DBX1: variants seen among roughly 807,000 people sequenced by gnomAD.
DBX1 encodes the protein homeobox protein DBX1.
A neutral mutation model predicts 20.8 loss-of-function variants in DBX1; 10 were observed. That is an observed-to-expected ratio of 0.48 (90% confidence interval 0.30 to 0.82). The LOEUF (loss-of-function observed/expected upper bound fraction) is 0.82. Ranked by LOEUF, DBX1 falls within the 40% of genes least tolerant of loss-of-function variation. The probability of loss-of-function intolerance (pLI) is 0.07; values close to 1 mark genes in which losing one functional copy is unlikely to be tolerated. For missense variants in DBX1, 505 were observed against 468.8 expected, an observed-to-expected ratio of 1.08 and a Z score of -0.71; for synonymous variants, 241 against 213.9, an observed-to-expected ratio of 1.13 and a Z score of -1.11.
rs776861724 is a variant in DBX1, at chr11:20,157,139, G to T, written c.570C>A (p.Asp190Glu). Residue 190 changes from aspartate to glutamate, a missense_variant, in exon 3 of 4, where the codon GAC (aspartate) becomes GAA (glutamate). Physicochemically the swap from Asp to Glu is conservative, Grantham distance 45. Coordinates refer to ENST00000524983, the MANE Select transcript of DBX1 (RefSeq NM_001029865.4). ...RGMLRRAVFS[D>E]VQRKALEKMF... is the part of the protein sequence containing the mutation. ...TCTTCTCCAGCGCCTTCCGCTGCAC[G>T]TCGGAGAAGACTGCTCGACGCAGCA... The T allele has an allele frequency of 6.2e-7, 1 of 1,613,144 alleles. No homozygotes were observed. The highest frequency in any genetic ancestry group is 1.7e-5 in the Admixed American group (1 of 60,006).
Position 20,157,198 on chromosome 11 carries a change from G to T in DBX1, c.511C>A (p.Pro171Thr), listed in dbSNP as rs200639137. The change falls in exon 3 of 4, where the codon CCG becomes ACG. Residue 171 changes from proline (P) to threonine (T), a missense_variant. Coordinates refer to ENST00000524983, the MANE Select transcript of DBX1 (RefSeq NM_001029865.4). ...CGAGGCTTCCCGCGCGCGGCCAGCG[G>T]CCAGGAGAAGGTCCCGGGGATGGGC... ...VVPIPGTFSWPLAARGKPRRG... is the reference protein window; with the variant it reads ...VVPIPGTFSWTLAARGKPRRG... 503 of 1,595,060 alleles carry T rather than the reference G, an allele frequency of 3.2e-4. No individual in the cohort carries two copies. Among genetic ancestry groups the T allele is most frequent in the Non-Finnish European group, 4.1e-4 (483 of 1,172,016 alleles).
At position 20,156,577 on chromosome 11, in the gene DBX1, G is replaced by C; in HGVS notation, c.673-4C>G. ...GGTTCTGGAACCAGATTTTCACCTG[G>C]AATGTCCCGGCCGGCGAGAAGAAGG... On this transcript the variant is annotated splice_polypyrimidine_tract_variant and splice_region_variant and intron_variant, in intron 3 of 3. Coordinates refer to ENST00000524983, the MANE Select transcript of DBX1 (RefSeq NM_001029865.4). The surrounding 1 kb of genome is among the most constrained non-coding windows in gnomAD (Gnocchi z 4.8). 3.1e-6 allele frequency: 5 copies of C among 1,614,002 alleles called. No homozygotes were observed. Among genetic ancestry groups the C allele is most frequent in the Non-Finnish European group, 8.5e-7 (1 of 1,180,012 alleles).
Position 20,156,404 on chromosome 11 carries a change from C to CCCT in DBX1, c.839_841dup (p.Glu280dup). 6.2e-7 allele frequency: 1 copy of CCCT among 1,602,438 alleles called. No homozygotes were observed. Among genetic ancestry groups the CCCT allele is most frequent in the Non-Finnish European group, 8.5e-7 (1 of 1,174,142 alleles). Reference sequence around the variant, plus strand: ...CAGGCGGTGGCTGGGGCTGCCCGGGCCCTCCTCCTCCTCTTCGTTCCCAGG... The same window carrying CCCT: ...CAGGCGGTGGCTGGGGCTGCCCGGGCCCTCCTCCTCCTCCTCTTCGTTCCCAGG... On this transcript the variant is annotated inframe_insertion, in exon 4 of 4. Coordinates refer to ENST00000524983, the MANE Select transcript of DBX1 (RefSeq NM_001029865.4). This position sits in a 1 kb window ranked among gnomAD's most constrained non-coding sequence, Gnocchi z 4.8.
At position 20,159,969 on chromosome 11, in the gene DBX1, C is replaced by T. The variant is rs775978418; in HGVS notation, c.356G>A (p.Gly119Glu). The T allele has an allele frequency of 1.2e-6, 2 of 1,614,008 alleles. No individual in the cohort carries two copies. The highest frequency in any genetic ancestry group is 4.5e-5 in the East Asian group (2 of 44,866). The change falls in exon 1 of 4, where the codon GGG (glycine) becomes GAG (glutamate). Residue 119 changes from glycine (G) to glutamate (E), a missense_variant. By Grantham distance (98) the Gly-to-Glu change is moderately conservative (BLOSUM62 -2). Transcript: ENST00000524983. ...CTGACCTCGCTTACCTGTTCTGGGC[C>T]CCGAGGAGAGGATGGCGTTCACTCC... The part of the protein sequence containing the change: ...KFGVNAILSS[G>E]PRTETSPALL...
Position 20,158,203 on chromosome 11 carries a change from ATGGTGGTGG to A in DBX1, c.470-973_470-965del, listed in dbSNP as rs57294934. On this transcript the variant is annotated intron_variant, in intron 2 of 3. Coordinates refer to ENST00000524983, the MANE Select transcript of DBX1 (RefSeq NM_001029865.4). ...AATTCCATTATTAGCAGCAGTGTGA[ATGGTGGTGG>A]TGGTGGTGGTGGTGGTGGTGGTGGT... Among the ~76,000 whole-genome samples, 50 of 106,716 alleles carry A rather than the reference ATGGTGGTGG, an allele frequency of 4.7e-4. 1 individual carries two copies. The highest frequency in any genetic ancestry group is 1.2e-3 in the South Asian group (3 of 2,416). 70.0% of individuals were successfully genotyped at this position (106,716 alleles called of 152,430 possible). A position where few individuals can be genotyped will look rare whatever the true frequency, so the allele number is the denominator to read the frequency against.
Position 20,160,095 on chromosome 11 carries a change from G to A in DBX1, c.230C>T (p.Thr77Met). 6.4e-7 allele frequency: 1 copy of A among 1,557,878 alleles called. No individual in the cohort carries two copies. Residue 77 changes from threonine to methionine, a missense_variant, in exon 1 of 4, where the codon ACG (threonine) becomes ATG (methionine). Transcript: ENST00000524983. ...RQGAPTALTD[T>M]GASDLGSPGP... ...CGGGGAGCCCAGGTCCGAGGCCCCC[G>A]TGTCGGTGAGGGCCGTGGGGGCCCC... is the stretch of plus-strand genomic sequence containing the variant.
chr11:20,157,268 G>C (rs1247264821), intron 2 of DBX1, 29 bp from the exon 3 acceptor site: 5 of 1,530,144 alleles, frequency 3.3e-6, no homozygotes, highest in Non-Finnish European at 3.5e-6. Context: ...TGGCGAGTGA[G>C]TGGGCGTACG....
Position 20,156,984 on chromosome 11 carries a change from G to T in DBX1, c.672+53C>A. 1 of 1,570,828 alleles carries T rather than the reference G, an allele frequency of 6.4e-7. No individual in the cohort carries two copies. Among genetic ancestry groups the T allele is most frequent in the Non-Finnish European group, 8.7e-7 (1 of 1,152,006 alleles). ...ACCCTTGCAATTGACGGGTGCGCCG[G>T]GGAGGGGTGAAGGGCGGGGGCGGGG... On this transcript the variant is annotated intron_variant, in intron 3 of 3. Coordinates refer to ENST00000524983, the MANE Select transcript of DBX1 (RefSeq NM_001029865.4). The surrounding 1 kb of genome is among the most constrained non-coding windows in gnomAD (Gnocchi z 4.8).
intron 1 of DBX1, 83 bp downstream of exon 1, chr11:20,159,875 G>T (rs879393652): frequency 2.5e-6 from 4 of 1,590,910 alleles, no homozygotes; most frequent in Non-Finnish European, 3.4e-6. Context: ...GTGGGGGCCC[G>T]CTCGCTAGAG....
At chr11:20,157,809 G>A (rs768360727) in intron 2 of DBX1, among the ~76,000 whole-genome samples, 23 of 152,032 alleles carry the variant, frequency 1.5e-4, no homozygotes, top group Non-Finnish European at 2.8e-4. Flanking sequence ...ATGAAAAGTG[G>A]CAGCTAATTA....
At position 20,156,801 on chromosome 11, in the gene DBX1, G is replaced by T; in HGVS notation, c.673-228C>A. 4.9e-6 allele frequency: 4 copies of T among 812,948 alleles called. No homozygotes were observed. The highest frequency in any genetic ancestry group is 5.9e-6 in the Non-Finnish European group (3 of 506,754). 50.4% of individuals were successfully genotyped at this position (812,948 alleles called of 1,614,324 possible). Reference sequence around the variant, plus strand: ...CGCTGCCACCCTGCCCCGAAGGGCGGGGTTGGGGGCCGGTGAGGCCGGGAG... The same window carrying T: ...CGCTGCCACCCTGCCCCGAAGGGCGTGGTTGGGGGCCGGTGAGGCCGGGAG... On this transcript the variant is annotated intron_variant, in intron 3 of 3. Coordinates refer to ENST00000524983, the MANE Select transcript of DBX1 (RefSeq NM_001029865.4). The surrounding 1 kb of genome is among the most constrained non-coding windows in gnomAD (Gnocchi z 4.8).
chr11:20,160,023 G>A lies in DBX1; in HGVS notation c.302C>T (p.Pro101Leu), dbSNP rs774002093. The A allele has an allele frequency of 6.2e-7, 1 of 1,610,102 alleles. No homozygotes were observed. The highest frequency in any genetic ancestry group is 1.1e-5 in the South Asian group (1 of 90,232). The change falls in exon 1 of 4, where the codon CCT becomes CTT. Residue 101 changes from proline (P) to leucine (L), a missense_variant. Pro to Leu is a moderately conservative substitution (Grantham distance 98, BLOSUM62 -3). Transcript: ENST00000524983. The part of the protein sequence containing the change: ...RGGSPPTAFS[P>L]ASETTFLKFG... ...CTTCAGAAACGTCGTCTCGCTGGCA[G>A]GGGAGAAGGCAGTCGGCGGAGAGCC...
chr11:20,159,259 G>T lies in DBX1; in HGVS notation c.401C>A (p.Pro134His). The T allele has an allele frequency of 6.2e-7, 1 of 1,613,814 alleles. No homozygotes were observed. ...GAAGTAGGGAAAGGCGAAGGTCTTG[G>T]GAGGGACGCTCTGGAGCAAGGCTGG... is the stretch of plus-strand genomic sequence containing the variant. ...TSPALLQSVP[P>H]KTFAFPYFEG... Residue 134 changes from proline to histidine, a missense_variant, in exon 2 of 4, where the codon CCC becomes CAC. Pro to His is a moderately conservative substitution (Grantham distance 77). Coordinates refer to ENST00000524983, the MANE Select transcript of DBX1 (RefSeq NM_001029865.4).
chr11:20,159,236 A>C lies in DBX1; in HGVS notation c.424T>G (p.Phe142Val), dbSNP rs1457659162. 9 of 1,613,906 alleles carry C rather than the reference A, an allele frequency of 5.6e-6. No homozygotes were observed. The highest frequency in any genetic ancestry group is 6.8e-6 in the Non-Finnish European group (8 of 1,179,918). ...VPPKTFAFPY[F>V]EGSFQPFIRS... ...ATGAAAGGCTGAAAAGACCCTTCGA[A>C]GTAGGGAAAGGCGAAGGTCTTGGGA... The change falls in exon 2 of 4, where the codon TTC (phenylalanine) becomes GTC (valine). Residue 142 changes from phenylalanine to valine, a missense_variant. Coordinates refer to ENST00000524983, the MANE Select transcript of DBX1 (RefSeq NM_001029865.4).
Position 20,160,263 on chromosome 11 carries a change from G to T in DBX1, c.62C>A (p.Pro21His). 1 of 1,542,168 alleles carries T rather than the reference G, an allele frequency of 6.5e-7. No individual in the cohort carries two copies. Among genetic ancestry groups the T allele is most frequent in the Non-Finnish European group, 8.7e-7 (1 of 1,145,346 alleles). The change falls in exon 1 of 4, where the codon CCC (proline) becomes CAC (histidine). Residue 21 changes from proline to histidine, a missense_variant. By Grantham distance (77) the Pro-to-His change is moderately conservative. Coordinates refer to ENST00000524983, the MANE Select transcript of DBX1 (RefSeq NM_001029865.4). ...CAAGGACTGGGGCAGCGTCAAGGTG[G>T]GCGTGGGCCGCAGGAGGCTAGGGTA... ...AGYPSLLRPT[P>H]TLTLPQSLQS...
At position 20,156,506 on chromosome 11, in the gene DBX1, C is replaced by G. The variant is rs779140949; in HGVS notation, c.740G>C (p.Ser247Thr). The change falls in exon 4 of 4, where the codon AGC becomes ACC. Residue 247 changes from serine (S) to threonine (T), a missense_variant. Transcript: ENST00000524983. This position sits in a 1 kb window ranked among gnomAD's most constrained non-coding sequence, Gnocchi z 4.8. Reference sequence around the variant, plus strand: ...CAGGGTCTGCTCGCGACAGCCCCCGCTAGACAGGAGTTCGCGCTCCTTGGA... The same window carrying G: ...CAGGGTCTGCTCGCGACAGCCCCCGGTAGACAGGAGTTCGCGCTCCTTGGA... ...RNSKERELLSSGGCREQTLPT... is the reference protein window; with the variant it reads ...RNSKERELLSTGGCREQTLPT... 1 of 1,613,998 alleles carries G rather than the reference C, an allele frequency of 6.2e-7. No homozygotes were observed.
chr11:20,156,750 C>T lies in DBX1; in HGVS notation c.673-177G>A. ...TCCCGCATTGACTCCGCCCCCGCCT[C>T]AGCTCGCGGTTCCGTTTGCCTCATC... On this transcript the variant is annotated intron_variant, in intron 3 of 3. Coordinates refer to ENST00000524983, the MANE Select transcript of DBX1 (RefSeq NM_001029865.4). This position sits in a 1 kb window ranked among gnomAD's most constrained non-coding sequence, Gnocchi z 4.8. 1 of 1,066,832 alleles carries T rather than the reference C, an allele frequency of 9.4e-7. No homozygotes were observed. Among genetic ancestry groups the T allele is most frequent in the Non-Finnish European group, 1.4e-6 (1 of 705,930 alleles). The allele number at this position is 1,066,832 out of a possible 1,614,324, so 66.1% of individuals were successfully genotyped here.
Position 20,160,307 on chromosome 11 carries a change from G to A in DBX1, c.18C>T (p.Leu6=). 6.6e-7 allele frequency: 1 copy of A among 1,521,906 alleles called. No individual in the cohort carries two copies. Among genetic ancestry groups the A allele is most frequent in the Non-Finnish European group, 8.8e-7 (1 of 1,136,360 alleles). 94.3% of individuals were successfully genotyped at this position (1,521,906 alleles called of 1,614,324 possible). The change falls in exon 1 of 4, where the codon CTC becomes CTT. Residue 6 remains leucine, a synonymous_variant. Transcript: ENST00000524983. MMFPG[L]LAPPAGYPSL... is the part of the protein sequence containing the mutation. ...TAGGGTACCCGGCGGGGGGCGCGAG[G>A]AGGCCGGGGAACATCATGGTAGGCG...
At position 20,160,358 on chromosome 11, in the gene DBX1, C is replaced by A; in HGVS notation, c.-34G>T. 1 of 1,473,036 alleles carries A rather than the reference C, an allele frequency of 6.8e-7. No homozygotes were observed. The highest frequency in any genetic ancestry group is 1.4e-5 in the South Asian group (1 of 73,922). 91.2% of individuals were successfully genotyped at this position (1,473,036 alleles called of 1,614,324 possible). A position where few individuals can be genotyped will look rare whatever the true frequency, so the allele number is the denominator to read the frequency against. On this transcript the variant is annotated 5_prime_UTR_variant, in exon 1 of 4. Transcript: ENST00000524983. The stretch of plus-strand genomic sequence containing the variant: ...CGGGCGGGCGAAATAACCCTTCTTT[C>A]AGTGGCCGGAGGGTAAACGCCTCGC...
Sources: allele counts gnomAD v4.1 joint callset (sites outside exome capture counted in the v4.1 genomes callset), GRCh38; gene constraint gnomAD v4.1.1; non-coding constraint Gnocchi (gnomAD v3.1); transcripts MANE v1.5; gene names NCBI Gene and HGNC (gene_info 2026-07-23, HGNC 2026-07-21).